The following EXTL3 variants were observed in gnomAD, a reference collection of about 807,000 sequenced individuals.
EXTL3 encodes the protein exostosin-like 3.
Under a neutral mutation model 69.3 loss-of-function variants are expected in EXTL3, and 27 were observed. The observed-to-expected ratio is 0.39, with a 90% CI of 0.29 to 0.54. EXTL3 has a LOEUF of 0.54. Ranked by LOEUF, EXTL3 falls within the 20% of genes least tolerant of loss-of-function variation. The probability of loss-of-function intolerance (pLI) is 0.69; values close to 1 mark genes in which losing one functional copy is unlikely to be tolerated. For synonymous variants in EXTL3, 511 were observed against 499.4 expected (o/e 1.02, Z -0.31); for missense variants, 1,003 against 1,231.8 (o/e 0.81, Z 2.78).
intron 2 of EXTL3, among the ~76,000 whole-genome samples, chr8:28,610,344 C>T (rs1002643319): frequency 1.7e-4 from 26 of 152,170 alleles, no homozygotes; most frequent in Admixed American, 1.6e-3. Flanking sequence ...TTCCTCATCT[C>T]TTTGTTAACA....
At chr8:28,733,333 G>A (rs1801578345) in intron 4 of EXTL3, among the ~76,000 whole-genome samples, 1 of 151,904 alleles carries the variant, frequency 6.6e-6, no homozygotes, top group Non-Finnish European at 1.5e-5. Context: ...AAAATTTATA[G>A]CCGTCCTAGT....
At chr8:28,681,488 A>G (rs986381462) in intron 1 of EXTL3, among the ~76,000 whole-genome samples, 7 of 152,048 alleles carry the variant, frequency 4.6e-5, no homozygotes, top group African/African-American at 1.7e-4. Flanking sequence ...ACTGCACTCC[A>G]GCCTGGATGA....
chr8:28,735,249 A>T (rs1420315846), intron 4 of EXTL3, among the ~76,000 whole-genome samples: 1 of 152,182 alleles, frequency 6.6e-6, no homozygotes, highest in Non-Finnish European at 1.5e-5. Flanking sequence ...AGCGTGATGC[A>T]GTTTGGAGCG....
At chr8:28,648,275 T>C (rs933475314) in intron 1 of EXTL3, among the ~76,000 whole-genome samples, 1 of 152,186 alleles carries the variant, frequency 6.6e-6, no homozygotes, top group African/African-American at 2.4e-5. Flanking sequence ...TACTATACTT[T>C]GTAATTTTGG....
chr8:28,617,756 G>C (rs2130537296), upstream of EXTL3, among the ~76,000 whole-genome samples: 1 of 152,224 alleles, frequency 6.6e-6, no homozygotes, highest in East Asian at 1.9e-4. Flanking sequence ...CTCCAGACTG[G>C]GTGACAGAGC....
At chr8:28,624,452 A>G (rs1806461720) in intron 1 of EXTL3, among the ~76,000 whole-genome samples, 1 of 152,114 alleles carries the variant, frequency 6.6e-6, no homozygotes, top group Non-Finnish European at 1.5e-5. Context: ...GGTCTCAGCT[A>G]CTTGGTAGGC....
chr8:28,744,422 C>G (rs1041266000), intron 6 of EXTL3, among the ~76,000 whole-genome samples: 1 of 152,224 alleles, frequency 6.6e-6, no homozygotes. Context: ...CTTTTGGAGG[C>G]TGAGGCAGGC....
rs148748380 is a variant in EXTL3, at chr8:28,613,226, C to T, written n.314+5468C>T. ...TGAGACGGAGTCTCACCCTGTTGCC[C>T]AAGCTGGAGTGCAATGGCATGATCT... On this transcript the variant is annotated intron_variant and non_coding_transcript_variant, in intron 2 of 4. Transcript: ENST00000522725. Among the ~76,000 whole-genome samples, 850 of 152,092 alleles carry T rather than the reference C, an allele frequency of 5.6e-3. 8 individuals carry two copies. Among genetic ancestry groups the T allele is most frequent in the African/African-American group, 0.02 (827 of 41,486 alleles).
intron 3 of EXTL3, among the ~76,000 whole-genome samples, chr8:28,726,257 A>G (rs1801411198): frequency 6.6e-6 from 1 of 152,146 alleles, no homozygotes; most frequent in South Asian, 2.1e-4. Context: ...CCCGGCCTGC[A>G]TTTAGAAATG....
At chr8:28,710,110 A>AT (rs58970283) in intron 1 of EXTL3, among the ~76,000 whole-genome samples, 4,397 of 152,040 alleles carry the variant, frequency 0.029, 210 homozygotes, top group African/African-American at 0.1. Flanking sequence ...AACTATTTTA[A>AT]TTTTTTTTCC....
intron 1 of EXTL3, among the ~76,000 whole-genome samples, chr8:28,650,327 T>C (rs2130601596): frequency 6.6e-6 from 1 of 150,556 alleles, no homozygotes; most frequent in South Asian, 2.1e-4. Flanking sequence ...TATGGATAAT[T>C]GATTGGTTCA....
chr8:28,620,391 G>C (rs1424031066), upstream of EXTL3, among the ~76,000 whole-genome samples: 1 of 152,178 alleles, frequency 6.6e-6, no homozygotes, highest in African/African-American at 2.4e-5. Context: ...TATGGAACTT[G>C]AACTAGAGCT....
At chr8:28,684,385 A>C (rs550754511) in intron 1 of EXTL3, among the ~76,000 whole-genome samples, 1 of 152,226 alleles carries the variant, frequency 6.6e-6, no homozygotes, top group African/African-American at 2.4e-5. Context: ...ATCTATCATC[A>C]GTGCTTTTTG....
At chr8:28,692,924 C>T (rs1800634927) in intron 1 of EXTL3, among the ~76,000 whole-genome samples, 1 of 152,126 alleles carries the variant, frequency 6.6e-6, no homozygotes, top group East Asian at 1.9e-4. Context: ...TAAGTTCTTC[C>T]AACAGTCAGA....
intron 1 of EXTL3, among the ~76,000 whole-genome samples, chr8:28,679,326 G>T (rs564913337): frequency 6.6e-6 from 1 of 152,072 alleles, no homozygotes; most frequent in African/African-American, 2.4e-5. Flanking sequence ...CGTGCCTGTA[G>T]TCCCAGCTAC....
chr8:28,669,585 C>T (rs1361086809), intron 1 of EXTL3, among the ~76,000 whole-genome samples: 2 of 152,102 alleles, frequency 1.3e-5, no homozygotes, highest in African/African-American at 4.8e-5. Context: ...GGGCAGAAAG[C>T]CCTGTCATTT....
chr8:28,618,608 A>C (rs1806359738), upstream of EXTL3, among the ~76,000 whole-genome samples: 1 of 152,186 alleles, frequency 6.6e-6, no homozygotes, highest in Non-Finnish European at 1.5e-5. Context: ...AGGAAGGAGC[A>C]TATGGCTGAT....
chr8:28,712,026 G>A (rs1801040248), intron 1 of EXTL3, among the ~76,000 whole-genome samples: 1 of 152,168 alleles, frequency 6.6e-6, no homozygotes, highest in East Asian at 1.9e-4. Context: ...AGGCTTTGGT[G>A]GGGAAGGGAG....
intron 5 of EXTL3, 102 bp downstream of exon 5, chr8:28,737,765 A>G (rs764174297): frequency 2.2e-5 from 29 of 1,301,618 alleles, no homozygotes; most frequent in South Asian, 4.7e-5. Flanking sequence ...CGCTTCTTAC[A>G]TGTTTCTTTT....
Sources: allele counts gnomAD v4.1 joint callset (sites outside exome capture counted in the v4.1 genomes callset), GRCh38; gene constraint gnomAD v4.1.1; transcripts MANE v1.5; gene names NCBI Gene and HGNC (gene_info 2026-07-23, HGNC 2026-07-21).